HPS5: variants seen among roughly 807,000 people sequenced by gnomAD.
HPS5 encodes HPS5 biogenesis of lysosomal organelles complex 2 subunit 2.
In HPS5, 83 loss-of-function variants were observed where a neutral mutation model predicts 128.0. The ratio of observed to expected loss-of-function variants is 0.65; its 90% confidence interval spans 0.54 to 0.78. The LOEUF (loss-of-function observed/expected upper bound fraction) is 0.78, where lower values mean the gene tolerates loss of function less well. Ranked by LOEUF, HPS5 falls within the 30% of genes least tolerant of loss-of-function variation. The probability of loss-of-function intolerance (pLI) is 0.00; values close to 1 mark genes in which losing one functional copy is unlikely to be tolerated. For missense variants in HPS5, 1,281 were observed against 1,326.2 expected, an observed-to-expected ratio of 0.97 and a Z score of 0.53; for synonymous variants, 475 against 470.2, an observed-to-expected ratio of 1.01 and a Z score of -0.13.
chr11:18,310,712 C>T, intron 5 of HPS5, 29 bp downstream of exon 5: 2 of 1,525,494 alleles, frequency 1.3e-6, no homozygotes, highest in Non-Finnish European at 9.1e-7. Context: ...TATCTCACTA[C>T]ATACACAAAG....
chr11:18,278,726 A>G lies in HPS5; in HGVS notation c.*1156T>C, dbSNP rs568023037. The G allele has an allele frequency of 8.5e-5, 13 of 152,414 alleles. No individual in the cohort carries two copies. The highest frequency in any genetic ancestry group is 3.1e-4 in the African/African-American group (13 of 41,584). 9.4% of individuals were successfully genotyped at this position (152,414 alleles called of 1,614,324 possible). On this transcript the variant is annotated 3_prime_UTR_variant, in exon 23 of 23. Coordinates refer to ENST00000349215, the MANE Select transcript of HPS5 (RefSeq NM_181507.2). ...CTCCACACCTTTCTGCAAAATGCTC[A>G]TAATAAACCTCCTGTCTACATTGTG...
Position 18,306,270 on chromosome 11 carries a change from C to A in HPS5, c.689G>T (p.Gly230Val), listed in dbSNP as rs1163220925. The change falls in exon 7 of 23, where the codon GGG becomes GTG. Residue 230 changes from glycine to valine, a missense_variant. Physicochemically the swap from Gly to Val is moderately radical, Grantham distance 109. Transcript: ENST00000349215. The part of the protein sequence containing the change: ...GACFFPGRCS[G>V]GQQPLIYCAR... ...ACAATATATCAGAGGTTGCTGGCCC[C>A]CAGAACATCTTCCAGGAAAGAAACA... is the stretch of plus-strand genomic sequence containing the variant. 6.2e-7 allele frequency: 1 copy of A among 1,613,988 alleles called. No homozygotes were observed. The highest frequency in any genetic ancestry group is 1.1e-5 in the South Asian group (1 of 91,070).
rs772531567 is a variant in HPS5 at position 18,282,211 on chromosome 11, G to A, written c.3068C>T (p.Pro1023Leu). Residue 1023 changes from proline to leucine, a missense_variant, in exon 22 of 23, where the codon CCA (proline) becomes CTA (leucine). Transcript: ENST00000349215. ...AAGCTTCCATTCCTCCACGGTCTCT[G>A]GGATCCAACCTAAACACACACAGGG... ...SLMEGDNGWI[P>L]ETVEEWKLLL... The A allele has an allele frequency of 1.2e-6, 2 of 1,614,020 alleles. No individual in the cohort carries two copies. The highest frequency in any genetic ancestry group is 1.3e-5 in the African/African-American group (1 of 75,006).
chr11:18,288,136 G>T (rs1859973555), intron 16 of HPS5, 123 bp from the exon 17 acceptor site: 9 of 984,056 alleles, frequency 9.1e-6, no homozygotes, highest in Non-Finnish European at 1.4e-5. Context: ...TATGTGCAAG[G>T]CCCAATATTA....
intron 16 of HPS5, among the ~76,000 whole-genome samples, chr11:18,288,596 T>TA (rs201749345): frequency 4.0e-5 from 6 of 148,490 alleles, no homozygotes; most frequent in African/African-American, 4.9e-5. Context: ...ATTTGTGGTT[T>TA]AAAAAAAAAA....
rs538929103 is a variant in HPS5 at position 18,297,855 on chromosome 11, A to G, written c.1165-138T>C. 9.8e-5 allele frequency: 74 copies of G among 757,334 alleles called. No individual in the cohort carries two copies. The South Asian group carries it at 1.1e-3, about 11-fold the overall frequency. The allele number at this position is 757,334 out of a possible 1,614,324, so 46.9% of individuals were successfully genotyped here. A position where few individuals can be genotyped will look rare whatever the true frequency, so the allele number is the denominator to read the frequency against. On this transcript the variant is annotated intron_variant, in intron 10 of 22. Transcript: ENST00000349215. ...AGCACTCTGGGAGGCCGAGGCGGGCAGATCCCCCGAGGTCAGGAGTTCAAG... is the reference window on the plus strand; with the variant it reads ...AGCACTCTGGGAGGCCGAGGCGGGCGGATCCCCCGAGGTCAGGAGTTCAAG...
In HPS5 at chr11:18,291,669, G is replaced by A. The variant is rs781358565; in HGVS notation, c.2213C>T (p.Ala738Val). Residue 738 changes from alanine to valine, a missense_variant, in exon 16 of 23, where the codon GCT (alanine) becomes GTT (valine). Ala to Val is a moderately conservative substitution (Grantham distance 64). Transcript: ENST00000349215. ...CTCCAAACATAATGTTGTCAATTCA[G>A]CCAGGTCGTTCCGAAGACCACTTGC... Reference protein sequence around the residue: ...AIASGLRNDLAELTTLCLELN... With the variant: ...AIASGLRNDLVELTTLCLELN... 1.9e-6 allele frequency: 3 copies of A among 1,614,182 alleles called. No homozygotes were observed. In the South Asian group the frequency reaches 3.3e-5, roughly 18 times the overall value.
At chr11:18,317,118 C>T (rs1358822774) in intron 2 of HPS5, among the ~76,000 whole-genome samples, 5 of 151,672 alleles carry the variant, frequency 3.3e-5, no homozygotes, top group South Asian at 4.2e-4. Flanking sequence ...GGTGTGAACC[C>T]GGGAGGCGGA....
intron 2 of HPS5, among the ~76,000 whole-genome samples, chr11:18,317,256 A>C (rs1590154443): frequency 7.5e-6 from 1 of 133,106 alleles, no homozygotes; most frequent in African/African-American, 2.6e-5. Context: ...GGGCCTGATA[A>C]ATTTTTTTTT....
chr11:18,301,415 T>A (rs1215047131), intron 8 of HPS5, among the ~76,000 whole-genome samples: 1 of 134,052 alleles, frequency 7.5e-6, no homozygotes, highest in Non-Finnish European at 1.5e-5. Context: ...ATTGTGCCAC[T>A]GCACTCCAGC....
intron 16 of HPS5, among the ~76,000 whole-genome samples, chr11:18,290,080 G>C (rs1450561908): frequency 6.6e-6 from 1 of 152,184 alleles, no homozygotes; most frequent in East Asian, 1.9e-4. Flanking sequence ...ACAGAAGAGA[G>C]GTAAGCCACT....
In HPS5 at chr11:18,321,286, C is replaced by T. The variant is rs191981406; in HGVS notation, c.-50+660G>A. Among the ~76,000 whole-genome samples the T allele has an allele frequency of 2.0e-5, 3 of 152,304 alleles. No homozygotes were observed. The East Asian group carries it at 5.8e-4, about 29-fold the overall frequency. On this transcript the variant is annotated intron_variant, in intron 1 of 22. Coordinates refer to ENST00000349215, the MANE Select transcript of HPS5 (RefSeq NM_181507.2). ...TATTCTCCAACTACATTGGACTCGA[C>T]TCTTTTTTTCTTTTTCATTCCATAA...
At chr11:18,296,409 C>G in intron 12 of HPS5, 1 of 540,164 alleles carries the variant, frequency 1.9e-6, no homozygotes, top group Non-Finnish European at 3.3e-6. Context: ...AGTTCAGCCA[C>G]AGGAATACTC....
intron 2 of HPS5, among the ~76,000 whole-genome samples, chr11:18,315,019 C>T (rs555145598): frequency 1.3e-5 from 2 of 151,994 alleles, no homozygotes; most frequent in Non-Finnish European, 2.9e-5. Flanking sequence ...CTCTTAGCTT[C>T]TTCCTCTTAG....
At chr11:18,293,047 G>A in intron 14 of HPS5, 71 bp from the exon 15 acceptor site, 3 of 1,130,108 alleles carry the variant, frequency 2.7e-6, no homozygotes, top group Non-Finnish European at 4.0e-6. Flanking sequence ...TTTGAGACAG[G>A]GTCTCACTCT....
intron 7 of HPS5, 28 bp downstream of exon 7, chr11:18,306,107 A>G: frequency 6.8e-7 from 1 of 1,472,030 alleles, no homozygotes; most frequent in Non-Finnish European, 9.5e-7. Context: ...CTCTTCAAAC[A>G]ATCCCAACCA....
intron 21 of HPS5, among the ~76,000 whole-genome samples, chr11:18,283,582 C>A (rs1859312262): frequency 6.7e-6 from 1 of 148,798 alleles, no homozygotes; most frequent in South Asian, 2.1e-4. Context: ...AGAAAAGTTG[C>A]CTATAGTTTA....
intron 5 of HPS5, among the ~76,000 whole-genome samples, 170 bp downstream of exon 5, chr11:18,310,571 G>A (rs1862856902): frequency 6.6e-6 from 1 of 152,212 alleles, no homozygotes; most frequent in African/African-American, 2.4e-5. Flanking sequence ...TGAGCTAACA[G>A]GCCACCGTGT....
At chr11:18,321,826 T>C (rs1345477479) in intron 1 of HPS5, 120 bp downstream of exon 1, 2 of 152,220 alleles carry the variant, frequency 1.3e-5, no homozygotes, top group African/African-American at 4.8e-5. Context: ...TATACATTCA[T>C]TCATTCAACA....
Sources: gnomAD v4.1 joint callset for allele counts (sites outside exome capture counted in the v4.1 genomes callset) on GRCh38, gnomAD v4.1.1 for gene constraint, MANE v1.5 for transcripts, NCBI Gene and HGNC (gene_info 2026-07-23, HGNC 2026-07-21) for gene names.